NHSL2: variants seen among roughly 807,000 people sequenced by gnomAD.
NHSL2 encodes NHS-like protein 2.
A neutral mutation model predicts 53.4 loss-of-function variants in NHSL2; 27 were observed. The observed-to-expected ratio is 0.51, with a 90% CI of 0.37 to 0.70. The LOEUF (loss-of-function observed/expected upper bound fraction) is 0.70, where lower values mean the gene tolerates loss of function less well. NHSL2 is among the 30% of genes least tolerant of loss of function. The pLI, the probability that NHSL2 is intolerant of heterozygous loss-of-function variation, is 0.00. For missense variants in NHSL2, 892 were observed against 980.1 expected (o/e 0.91, Z 1.20); for synonymous variants, 408 against 404.1 (o/e 1.01, Z -0.12).
intron 1 of NHSL2, among the ~76,000 whole-genome samples, chrX:72,020,733 C>T (rs2042156191): frequency 8.9e-6 from 1 of 112,947 alleles, no homozygotes; most frequent in Non-Finnish European, 1.9e-5. Flanking sequence ...CCATCCCCAA[C>T]ACAGTGGCTC....
intron 1 of NHSL2, among the ~76,000 whole-genome samples, chrX:72,098,063 TTC>T (rs1352559166): frequency 8.3e-4 from 93 of 112,326 alleles, no homozygotes; most frequent in African/African-American, 2.9e-3. Flanking sequence ...GTAGGTCTCT[TTC>T]TCCACAGCGG....
chrX:72,101,272 G>A (rs1412398853), intron 1 of NHSL2, among the ~76,000 whole-genome samples: 1 of 110,234 alleles, frequency 9.1e-6, no homozygotes, highest in Non-Finnish European at 1.9e-5. Flanking sequence ...CATCCTGCAA[G>A]AAGACTCGCA....
At chrX:71,935,075 T>C (rs183463299) in intron 1 of NHSL2, among the ~76,000 whole-genome samples, 338 of 111,668 alleles carry the variant, frequency 3.0e-3, no homozygotes, top group African/African-American at 0.01. Context: ...AAACACACAC[T>C]CACACACATC....
At position 72,152,829 on chromosome X, in the gene NHSL2, A is replaced by T. The variant is rs761584180; in HGVS notation, c.*9255A>T. On this transcript the variant is annotated 3_prime_UTR_variant, in exon 8 of 8. Coordinates refer to ENST00000633930, the MANE Select transcript of NHSL2 (RefSeq NM_001013627.3). The stretch of plus-strand genomic sequence containing the variant: ...AGGCTTGTGCCTTGGATCCAAAAGC[A>T]GCAAAAATACTACACTTGCCAAAAG... 1.2e-4 allele frequency: 13 copies of T among 112,980 alleles called. No individual in the cohort carries two copies. In the East Asian group the frequency reaches 3.6e-3, roughly 31 times the overall value. The allele number at this position is 112,980 out of a possible 1,213,427, so 9.3% of individuals were successfully genotyped here. A position where few individuals can be genotyped will look rare whatever the true frequency, so the allele number is the denominator to read the frequency against.
At chrX:72,121,356 A>C (rs995698891) in intron 1 of NHSL2, among the ~76,000 whole-genome samples, 1 of 111,897 alleles carries the variant, frequency 8.9e-6, no homozygotes, top group African/African-American at 3.3e-5. Context: ...TTAGAGCCAC[A>C]TGTCCACTTA....
At chrX:72,096,644 C>G (rs2041946070) in intron 1 of NHSL2, among the ~76,000 whole-genome samples, 1 of 112,242 alleles carries the variant, frequency 8.9e-6, no homozygotes, top group Admixed American at 9.4e-5. Context: ...TGTACATATA[C>G]ATGGGGTATA....
chrX:72,021,190 A>G (rs1466694855), intron 1 of NHSL2, among the ~76,000 whole-genome samples: 3 of 112,674 alleles, frequency 2.7e-5, no homozygotes, highest in Admixed American at 1.9e-4. Context: ...CACCTCTCCA[A>G]TCACTTATTC....
chrX:71,981,316 C>T (rs952676896), intron 1 of NHSL2, among the ~76,000 whole-genome samples: 2 of 111,800 alleles, frequency 1.8e-5, no homozygotes, highest in African/African-American at 3.2e-5. Flanking sequence ...TGGGCCAAGG[C>T]GGGTGGATCA....
chrX:72,101,509 CCAAA>C (rs1163565030), intron 1 of NHSL2, among the ~76,000 whole-genome samples: 3 of 110,416 alleles, frequency 2.7e-5, no homozygotes, highest in African/African-American at 9.9e-5. Flanking sequence ...CATGCTGTCC[CCAAA>C]CAAAGGTGGC....
chrX:71,919,955 C>T lies in NHSL2; in HGVS notation c.280+8588C>T, dbSNP rs1270582948. On this transcript the variant is annotated intron_variant, in intron 1 of 7. Coordinates refer to ENST00000633930, the MANE Select transcript of NHSL2 (RefSeq NM_001013627.3). ...TCTTCCCCTTGGGATGTCTGCATGG[C>T]TCCTGGTTGAGCTCACCAGTTTTAC... Among the ~76,000 whole-genome samples the T allele has an allele frequency of 2.7e-5, 3 of 112,876 alleles. No homozygotes were observed. The East Asian group carries it at 8.3e-4, about 31-fold the overall frequency.
chrX:72,051,923 G>A lies in NHSL2; in HGVS notation c.281-80156G>A, dbSNP rs757618011. Among the ~76,000 whole-genome samples, 3 of 112,028 alleles carry A rather than the reference G, an allele frequency of 2.7e-5. No individual in the cohort carries two copies. The South Asian group carries it at 1.1e-3, about 41-fold the overall frequency. On this transcript the variant is annotated intron_variant, in intron 1 of 7. Transcript: ENST00000633930. The stretch of plus-strand genomic sequence containing the variant: ...TGCCTCAATGACAGCTTTCTTGGAA[G>A]CCTCTCCAGATAACTCCAGGCAGAG...
rs2147536325 is a variant in NHSL2, at chrX:72,145,461, T to A, written c.*1887T>A. On this transcript the variant is annotated 3_prime_UTR_variant, in exon 8 of 8. Coordinates refer to ENST00000633930, the MANE Select transcript of NHSL2 (RefSeq NM_001013627.3). ...AAAATAATAAAACAGCTAGGCTCAG[T>A]TGCTTTTGAAAGTACTAGAACTACT... is the stretch of plus-strand genomic sequence containing the variant. The A allele has an allele frequency of 8.9e-6, 1 of 112,691 alleles. No individual in the cohort carries two copies. The highest frequency in any genetic ancestry group is 3.2e-5 in the African/African-American group (1 of 31,041). 9.3% of individuals were successfully genotyped at this position (112,691 alleles called of 1,213,427 possible). A position where few individuals can be genotyped will look rare whatever the true frequency, so the allele number is the denominator to read the frequency against.
intron 2 of NHSL2, chrX:72,133,861 C>A: frequency 2.9e-6 from 1 of 350,408 alleles, no homozygotes. Context: ...GGTCCCCAAA[C>A]CACCACAGCA....
intron 1 of NHSL2, among the ~76,000 whole-genome samples, chrX:72,110,802 T>C (rs1486904050): frequency 9.4e-6 from 1 of 105,925 alleles, no homozygotes; most frequent in African/African-American, 3.5e-5. Context: ...CTCTCTTTAC[T>C]GAGGCCATGG....
At chrX:72,088,911 T>G (rs1397562541) in intron 1 of NHSL2, among the ~76,000 whole-genome samples, 1 of 112,490 alleles carries the variant, frequency 8.9e-6, no homozygotes, top group Non-Finnish European at 1.9e-5. Context: ...ACCTAAGCAC[T>G]TGGCAAGTCC....
intron 1 of NHSL2, chrX:72,130,992 C>G (rs774652368): frequency 4.1e-6 from 5 of 1,209,065 alleles, no homozygotes; most frequent in African/African-American, 1.8e-5. Flanking sequence ...GCTCGGCGCC[C>G]CCGGGGAAAT....
chrX:72,114,118 T>C (rs1037090691), intron 1 of NHSL2, among the ~76,000 whole-genome samples: 2 of 112,482 alleles, frequency 1.8e-5, no homozygotes, highest in Non-Finnish European at 3.8e-5. Context: ...TCTGGAAAGA[T>C]ATACCCAAGG....
rs760171485 is a variant in NHSL2 at position 72,053,102 on chromosome X, A to G, written c.281-78977A>G. Among the ~76,000 whole-genome samples, 281 of 112,413 alleles carry G rather than the reference A, an allele frequency of 2.5e-3. 1 individual carries two copies. The highest frequency in any genetic ancestry group is 8.8e-3 in the African/African-American group (273 of 30,932). On this transcript the variant is annotated intron_variant, in intron 1 of 7. Transcript: ENST00000633930. Reference sequence around the variant, plus strand: ...AATTGGGTAAGGGAAATGGAAAACAATGTTGAGAAGAACATAATGACCAGA... The same window carrying G: ...AATTGGGTAAGGGAAATGGAAAACAGTGTTGAGAAGAACATAATGACCAGA...
rs922989951 is a variant in NHSL2, at chrX:72,030,847, C to T, written c.281-101232C>T. 3.6e-5 allele frequency among the ~76,000 whole-genome samples: 4 copies of T among 112,039 alleles called. No homozygotes were observed. In the South Asian group the frequency reaches 1.5e-3, roughly 41 times the overall value. On this transcript the variant is annotated intron_variant, in intron 1 of 7. Transcript: ENST00000633930. ...AAGCAGACTGGCTCCAGCACATCAC[C>T]AGTTGTAACAAAGGATTAAAGAGAG...
Sources: allele counts gnomAD v4.1 joint callset (sites outside exome capture counted in the v4.1 genomes callset), GRCh38; gene constraint gnomAD v4.1.1; transcripts MANE v1.5; gene names NCBI Gene and HGNC (gene_info 2026-07-23, HGNC 2026-07-21).